The following LRMDA variants were observed in gnomAD, a reference collection of about 807,000 sequenced individuals.
The protein encoded by LRMDA is leucine-rich melanocyte differentiation-associated protein.
Under a neutral mutation model 29.8 loss-of-function variants are expected in LRMDA, and 18 were observed. That is an observed-to-expected ratio of 0.60 (90% CI 0.42 to 0.90). The LOEUF (loss-of-function observed/expected upper bound fraction) is 0.90. LRMDA is among the 40% of genes least tolerant of loss of function. The pLI, the probability that LRMDA is intolerant of heterozygous loss-of-function variation, is 0.00. For missense variants in LRMDA, 273 were observed against 273.9 expected, an observed-to-expected ratio of 1.00 and a Z score of 0.02; for synonymous variants, 125 against 109.4, an observed-to-expected ratio of 1.14 and a Z score of -0.89.
At chr10:76,189,763 G>C (rs1851213434) in intron 5 of LRMDA, among the ~76,000 whole-genome samples, 1 of 152,178 alleles carries the variant, frequency 6.6e-6, no homozygotes, top group Non-Finnish European at 1.5e-5. Context: ...GCATACAGCT[G>C]GGAGCCTAGA....
At chr10:76,513,605 T>A (rs1843030732) in intron 6 of LRMDA, among the ~76,000 whole-genome samples, 1 of 152,208 alleles carries the variant, frequency 6.6e-6, no homozygotes, top group Admixed American at 6.5e-5. Context: ...CCCTTTAACA[T>A]GTTGATAAGC....
intron 6 of LRMDA, among the ~76,000 whole-genome samples, chr10:76,521,883 CTT>C (rs1843125015): frequency 1.3e-5 from 2 of 152,266 alleles, no homozygotes; most frequent in South Asian, 4.1e-4. Context: ...GAGATAATGA[CTT>C]ATATTTATTC....
chr10:75,796,209 G>T (rs972273517), intron 2 of LRMDA, among the ~76,000 whole-genome samples: 26 of 152,138 alleles, frequency 1.7e-4, no homozygotes, highest in African/African-American at 5.6e-4. Flanking sequence ...CTGGCCAGAG[G>T]TTCCAGTACA....
At chr10:75,612,646 A>C (rs1227946703) in intron 2 of LRMDA, among the ~76,000 whole-genome samples, 1 of 147,852 alleles carries the variant, frequency 6.8e-6, no homozygotes, top group Non-Finnish European at 1.5e-5. Flanking sequence ...ATATATTTAT[A>C]TATTTGTATA....
intron 5 of LRMDA, among the ~76,000 whole-genome samples, chr10:76,304,660 A>G (rs1369757525): frequency 1.3e-5 from 2 of 152,182 alleles, no homozygotes; most frequent in African/African-American, 4.8e-5. Flanking sequence ...CTATTTGTTC[A>G]ATATTTTAAG....
At chr10:75,455,026 C>T (rs912005109) in intron 2 of LRMDA, among the ~76,000 whole-genome samples, 1 of 152,176 alleles carries the variant, frequency 6.6e-6, no homozygotes, top group Non-Finnish European at 1.5e-5. Context: ...CAGGCCTGGG[C>T]CACTTATGTT....
At chr10:75,842,560 A>T (rs1844559488) in intron 2 of LRMDA, among the ~76,000 whole-genome samples, 1 of 152,250 alleles carries the variant, frequency 6.6e-6, no homozygotes, top group African/African-American at 2.4e-5. Flanking sequence ...TACAAACAGC[A>T]TCTTATAAAT....
chr10:76,265,284 G>A (rs1839992523), intron 5 of LRMDA, among the ~76,000 whole-genome samples: 1 of 152,144 alleles, frequency 6.6e-6, no homozygotes, highest in Admixed American at 6.5e-5. Flanking sequence ...ACGGTTTGGA[G>A]TTCTTTCTTT....
intron 2 of LRMDA, among the ~76,000 whole-genome samples, chr10:75,824,416 G>C (rs1347625921): frequency 6.6e-6 from 1 of 152,148 alleles, no homozygotes; most frequent in African/African-American, 2.4e-5. Flanking sequence ...TCATGCTATA[G>C]TGGCAGAGTT....
intron 5 of LRMDA, among the ~76,000 whole-genome samples, chr10:76,324,140 C>A (rs943268015): frequency 6.6e-6 from 1 of 152,152 alleles, no homozygotes; most frequent in East Asian, 1.9e-4. Flanking sequence ...TTTTCCTCCT[C>A]CCTCCTTTCA....
intron 5 of LRMDA, among the ~76,000 whole-genome samples, chr10:76,307,357 G>A (rs1415677945): frequency 1.3e-5 from 2 of 152,144 alleles, no homozygotes; most frequent in African/African-American, 4.8e-5. Context: ...GTTCAGTTTG[G>A]CCTAAAGATA....
chr10:75,720,308 G>C lies in LRMDA; in HGVS notation c.131+281814G>C, dbSNP rs865902541. Among the ~76,000 whole-genome samples the C allele has an allele frequency of 2.6e-5, 4 of 152,190 alleles. No individual in the cohort carries two copies. In the South Asian group the frequency reaches 8.3e-4, roughly 32 times the overall value. On this transcript the variant is annotated intron_variant, in intron 2 of 6. Transcript: ENST00000611255. ...TTACGGAGAGAACACACGGGCAGGA[G>C]ACTGAGGATTTCATTTCTCCATCAC...
At chr10:76,501,453 C>T (rs1371558165) in intron 6 of LRMDA, among the ~76,000 whole-genome samples, 1 of 151,928 alleles carries the variant, frequency 6.6e-6, no homozygotes, top group African/African-American at 2.4e-5. Context: ...TTACAGACTG[C>T]CTTCCACAGT....
chr10:75,748,802 C>G (rs1251352046), intron 2 of LRMDA, among the ~76,000 whole-genome samples: 1 of 152,020 alleles, frequency 6.6e-6, no homozygotes, highest in African/African-American at 2.4e-5. Context: ...TATAAGACTC[C>G]TATCTTCTAA....
intron 6 of LRMDA, among the ~76,000 whole-genome samples, chr10:76,361,554 T>C (rs1475369845): frequency 6.6e-6 from 1 of 152,156 alleles, no homozygotes; most frequent in Non-Finnish European, 1.5e-5. Flanking sequence ...TATCTACCAT[T>C]ACATGCCAAG....
chr10:76,449,116 G>A (rs903709480), intron 6 of LRMDA, among the ~76,000 whole-genome samples: 11 of 151,822 alleles, frequency 7.2e-5, no homozygotes, highest in African/African-American at 2.4e-4. Flanking sequence ...TGCCTCAGGG[G>A]TATTTGAAAA....
intron 2 of LRMDA, among the ~76,000 whole-genome samples, chr10:75,523,133 G>A (rs1417988599): frequency 2.0e-5 from 3 of 152,220 alleles, no homozygotes; most frequent in Non-Finnish European, 4.4e-5. Context: ...GTATTGGAAA[G>A]CAAATGGAGT....
intron 6 of LRMDA, among the ~76,000 whole-genome samples, chr10:76,518,166 C>T (rs891972733): frequency 2.6e-5 from 4 of 151,758 alleles, no homozygotes; most frequent in African/African-American, 9.7e-5. Context: ...AATATAAGGA[C>T]ACACATGTTT....
intron 2 of LRMDA, among the ~76,000 whole-genome samples, chr10:75,492,612 A>G (rs754596620): frequency 5.9e-5 from 9 of 152,226 alleles, no homozygotes; most frequent in Non-Finnish European, 8.8e-5. Flanking sequence ...GACTTTGACT[A>G]TAAATCCACA....
Sources: allele counts gnomAD v4.1 joint callset (sites outside exome capture counted in the v4.1 genomes callset), GRCh38; gene constraint gnomAD v4.1.1; transcripts MANE v1.5; gene names NCBI Gene and HGNC (gene_info 2026-07-23, HGNC 2026-07-21).